The following CENPC variants were observed in gnomAD, a reference collection of about 807,000 sequenced individuals.
The protein encoded by CENPC is centromere protein C.
Under a neutral mutation model 112.1 loss-of-function variants are expected in CENPC, and 63 were observed. The observed-to-expected ratio is 0.56, with a 90% confidence interval of 0.46 to 0.69. The LOEUF is 0.69. Ranked by LOEUF, CENPC falls within the 30% of genes least tolerant of loss-of-function variation. The probability of loss-of-function intolerance (pLI) is 0.00; values close to 1 mark genes in which losing one functional copy is unlikely to be tolerated. For synonymous variants in CENPC, 333 were observed against 367.6 expected (o/e 0.91, Z 1.08); for missense variants, 1,000 against 1,103.8 (o/e 0.91, Z 1.33).
At position 67,530,883 on chromosome 4, in the gene CENPC, A is replaced by G; in HGVS notation, c.263T>C (p.Val88Ala). Residue 88 changes from valine (V) to alanine (A), a missense_variant, in exon 5 of 19, where the codon GTT becomes GCT. Transcript: ENST00000273853. ...AGAGGCTTCTTTCTTCTTTGAAGAA[A>G]CTGGAACTGACTTTGGATGTGATTT... ...CQKSHPKSVP[V>A]SSKKKEASLQ... The G allele has an allele frequency of 1.2e-6, 2 of 1,603,258 alleles. No individual in the cohort carries two copies. The highest frequency in any genetic ancestry group is 1.7e-6 in the Non-Finnish European group (2 of 1,174,190).
chr4:67,545,289 C>G, intron 1 of CENPC, 49 bp downstream of exon 1: 1 of 1,454,636 alleles, frequency 6.9e-7, no homozygotes, highest in Non-Finnish European at 9.1e-7. Context: ...GCGCCCGTGC[C>G]CCAGCCAGCC....
intron 4 of CENPC, among the ~76,000 whole-genome samples, chr4:67,534,674 A>T (rs1726664188): frequency 6.6e-6 from 1 of 152,228 alleles, no homozygotes; most frequent in Non-Finnish European, 1.5e-5. Flanking sequence ...AATACTTACT[A>T]GGCCAAGAGA....
rs61750808 is a variant in CENPC, at chr4:67,506,900, T to C, written c.1939A>G (p.Met647Val). 9 of 1,610,638 alleles carry C rather than the reference T, an allele frequency of 5.6e-6. No homozygotes were observed. The African/African-American group carries it at 1.2e-4, about 22-fold the overall frequency. The change falls in exon 11 of 19, where the codon ATG (methionine) becomes GTG (valine). Residue 647 changes from methionine (M) to valine (V), a missense_variant. Coordinates refer to ENST00000273853, the MANE Select transcript of CENPC (RefSeq NM_001812.4). ...TTTAGGGGAACATTCTGTGCAGTCATAATGTTATCTTCATTCTTTGAGCTT... is the reference window on the plus strand; with the variant it reads ...TTTAGGGGAACATTCTGTGCAGTCACAATGTTATCTTCATTCTTTGAGCTT... The part of the protein sequence containing the change: ...TRSSKNEDNI[M>V]TAQNVPLKPQ...
At position 67,506,938 on chromosome 4, in the gene CENPC, TA is replaced by T; in HGVS notation, c.1905-5del. 2 of 1,593,686 alleles carry T rather than the reference TA, an allele frequency of 1.3e-6. No homozygotes were observed. Among genetic ancestry groups the T allele is most frequent in the Non-Finnish European group, 1.7e-6 (2 of 1,171,032 alleles). On this transcript the variant is annotated splice_polypyrimidine_tract_variant and splice_region_variant and intron_variant, in intron 10 of 18. Coordinates refer to ENST00000273853, the MANE Select transcript of CENPC (RefSeq NM_001812.4). ...ATTCTTTGAGCTTCTTGTAGATCTA[TA>T]AAAATGATAAATGTATGAGTGTTTA...
chr4:67,510,013 G>C (rs1725851216), intron 9 of CENPC, among the ~76,000 whole-genome samples: 1 of 151,924 alleles, frequency 6.6e-6, no homozygotes, highest in Non-Finnish European at 1.5e-5. Flanking sequence ...ACCAAAAAAA[G>C]CCATCAGTAA....
In CENPC at chr4:67,519,463, T is replaced by C. The variant is rs1298245938; in HGVS notation, c.371A>G (p.Asp124Gly). The C allele has an allele frequency of 1.3e-6, 2 of 1,597,284 alleles. No homozygotes were observed. Among genetic ancestry groups the C allele is most frequent in the African/African-American group, 2.7e-5 (2 of 74,598 alleles). The change falls in exon 6 of 19, where the codon GAT (aspartate) becomes GGT (glycine). Residue 124 changes from aspartate (D) to glycine (G), a missense_variant. By Grantham distance (94) the Asp-to-Gly change is moderately conservative. Coordinates refer to ENST00000273853, the MANE Select transcript of CENPC (RefSeq NM_001812.4). ...GTCAGGTGTATTTTTGGAACTAACA[T>C]CAGTTGCCAGAATTTTCTGATGAAC... Reference protein sequence around the residue: ...HEVHQKILATDVSSKNTPDSK... With the variant: ...HEVHQKILATGVSSKNTPDSK...
intron 17 of CENPC, among the ~76,000 whole-genome samples, chr4:67,480,094 T>TG (rs1724911768): frequency 6.6e-6 from 1 of 151,966 alleles, no homozygotes; most frequent in Admixed American, 6.5e-5. Flanking sequence ...CTGAGGCAGG[T>TG]GGATTGCCTG....
intron 9 of CENPC, chr4:67,512,004 T>C: frequency 6.4e-6 from 1 of 156,384 alleles, no homozygotes; most frequent in Non-Finnish European, 1.4e-5. Context: ...CCAACACAAG[T>C]AATTTACTTT....
rs182577734 is a variant in CENPC at position 67,503,485 on chromosome 4, G to A, written c.2131+1720C>T. On this transcript the variant is annotated intron_variant, in intron 12 of 18. Transcript: ENST00000273853. The stretch of plus-strand genomic sequence containing the variant: ...TCAACACCCAACAAATCATAAATTT[G>A]TTATCTTTTTATATTGTCTGCCATC... 1.2e-3 allele frequency among the ~76,000 whole-genome samples: 190 copies of A among 152,112 alleles called. 1 individual carries two copies. The highest frequency in any genetic ancestry group is 1.7e-3 in the Admixed American group (26 of 15,268).
chr4:67,524,704 T>C (rs1726324049), intron 5 of CENPC, among the ~76,000 whole-genome samples: 1 of 152,072 alleles, frequency 6.6e-6, no homozygotes, highest in African/African-American at 2.4e-5. Flanking sequence ...AGAAAAAAAT[T>C]CCATGCTCAT....
intron 5 of CENPC, among the ~76,000 whole-genome samples, chr4:67,522,175 T>C (rs369013038): frequency 7.9e-5 from 12 of 152,216 alleles, no homozygotes; most frequent in African/African-American, 2.7e-4. Flanking sequence ...CAAAAAGTCT[T>C]GTAAAGTTAA....
chr4:67,518,695 A>G (rs1265522942), intron 6 of CENPC, among the ~76,000 whole-genome samples: 1 of 152,174 alleles, frequency 6.6e-6, no homozygotes, highest in Non-Finnish European at 1.5e-5. Context: ...AAGTCTTAGA[A>G]TATACTTAAC....
Position 67,514,089 on chromosome 4 carries a change from GT to G in CENPC, c.1428del (p.Lys476AsnfsTer38). The G allele has an allele frequency of 6.3e-7, 1 of 1,595,386 alleles. No individual in the cohort carries two copies. The highest frequency in any genetic ancestry group is 8.5e-7 in the Non-Finnish European group (1 of 1,173,552). On this transcript the variant is annotated frameshift_variant, in exon 8 of 19. Coordinates refer to ENST00000273853, the MANE Select transcript of CENPC (RefSeq NM_001812.4). LOFTEE classifies it high-confidence loss of function. ...EEMGNDCVSK[K>X]QMPPVGSKKS... is the part of the protein sequence containing the mutation. ...AAACACTTACCCACAGGTGGCATCT[GT>G]TTTTTGGAAACACAATCATTTCCCA...
At chr4:67,527,009 A>G (rs1726400684) in intron 5 of CENPC, among the ~76,000 whole-genome samples, 1 of 152,226 alleles carries the variant, frequency 6.6e-6, no homozygotes, top group Non-Finnish European at 1.5e-5. Flanking sequence ...CAAACACTGG[A>G]AAATTAACAC....
intron 7 of CENPC, among the ~76,000 whole-genome samples, chr4:67,516,655 CAA>C (rs776469252): frequency 6.6e-6 from 1 of 151,876 alleles, no homozygotes; most frequent in Non-Finnish European, 1.5e-5. Context: ...TAATAAAGAA[CAA>C]AGTCAATACA....
At chr4:67,545,240 C>A in intron 1 of CENPC, 98 bp downstream of exon 1, 3 of 1,227,098 alleles carry the variant, frequency 2.4e-6, no homozygotes, top group Non-Finnish European at 3.2e-6. Flanking sequence ...CCTCAGAGAT[C>A]ACAGCCTCAG....
intron 12 of CENPC, among the ~76,000 whole-genome samples, chr4:67,502,845 C>T (rs1023080824): frequency 1.3e-5 from 2 of 152,126 alleles, no homozygotes; most frequent in African/African-American, 4.8e-5. Context: ...CACCACGTAT[C>T]GTCCATCAGA....
intron 17 of CENPC, among the ~76,000 whole-genome samples, chr4:67,477,122 C>T (rs778927863): frequency 3.6e-4 from 55 of 152,142 alleles, no homozygotes; most frequent in Non-Finnish European, 7.4e-4. Context: ...AAGGCCCCAC[C>T]CATCACCTGA....
At position 67,493,945 on chromosome 4, in the gene CENPC, T is replaced by C. The variant is rs1444497993; in HGVS notation, c.2229A>G (p.Thr743=). The change falls in exon 14 of 19, where the codon ACA becomes ACG. Residue 743 remains threonine, a synonymous_variant. Transcript: ENST00000273853. ...GCCAGTACTCCAAAGGTTTCAAACG[T>C]GTTCTCTTGGTCCTGCGAACATTTG... ...NTPNVRRTKR[T]RLKPLEYWRG... 1.9e-6 allele frequency: 3 copies of C among 1,612,952 alleles called. No individual in the cohort carries two copies. Among genetic ancestry groups the C allele is most frequent in the African/African-American group, 2.7e-5 (2 of 74,926 alleles).
Sources: allele counts gnomAD v4.1 joint callset (sites outside exome capture counted in the v4.1 genomes callset), GRCh38; gene constraint gnomAD v4.1.1; transcripts MANE v1.5; gene names NCBI Gene and HGNC (gene_info 2026-07-23, HGNC 2026-07-21).